CP: variants seen among roughly 807,000 people sequenced by gnomAD.
CP encodes the protein caeruloplasmin.
In CP, 64 loss-of-function variants were observed where a neutral mutation model predicts 122.4. The observed-to-expected ratio is 0.52, with a 90% CI of 0.43 to 0.64. The LOEUF is 0.64. Ranked by LOEUF, CP falls within the 30% of genes least tolerant of loss-of-function variation. The pLI, the probability that CP is intolerant of heterozygous loss-of-function variation, is 0.00. For synonymous variants in CP, 440 were observed against 436.4 expected (o/e 1.01, Z -0.10); for missense variants, 1,167 against 1,284.4 (o/e 0.91, Z 1.40).
Position 149,185,272 on chromosome 3 carries a change from C to T in CP, c.2252G>A (p.Trp751Ter). The change falls in exon 12 of 19, where the codon TGG becomes TAG. Residue 751 changes from tryptophan to a stop codon, truncating the protein, a stop_gained. Coordinates refer to ENST00000264613, the MANE Select transcript of CP (RefSeq NM_000096.4). LOFTEE classifies it high-confidence loss of function. ...VEWDYSPQRE[W>*]EKELHHLQEQ... Reference sequence around the variant, plus strand: ...TTGTAAATGATGCAGCTCCTTTTCCCACTCCCTTTGTGGGGAATAATCCCA... The same window carrying T: ...TTGTAAATGATGCAGCTCCTTTTCCTACTCCCTTTGTGGGGAATAATCCCA... 6.2e-7 allele frequency: 1 copy of T among 1,613,368 alleles called. No individual in the cohort carries two copies. The highest frequency in any genetic ancestry group is 8.5e-7 in the Non-Finnish European group (1 of 1,179,978).
chr3:149,167,755 T>C (rs574478039), downstream of CP: 8 of 690,116 alleles, frequency 1.2e-5, no homozygotes, highest in African/African-American at 5.4e-5. Flanking sequence ...ATATAACTTA[T>C]GTTATAACAA....
chr3:149,164,901 A>G (rs940237022), intron 5 of CP, among the ~76,000 whole-genome samples: 1 of 152,120 alleles, frequency 6.6e-6, no homozygotes, highest in Non-Finnish European at 1.5e-5. Flanking sequence ...TGAATTTGCA[A>G]TACCTCATTT....
chr3:149,217,988 A>G, intron 1 of CP: 2 of 281,098 alleles, frequency 7.1e-6, no homozygotes, highest in Non-Finnish European at 1.5e-5. Context: ...GGAAACCTCT[A>G]ATGGAATGAA....
At chr3:149,212,318 A>T (rs201585597) in intron 2 of CP, 133 bp downstream of exon 2, 8 of 969,038 alleles carry the variant, frequency 8.3e-6, no homozygotes, top group South Asian at 1.9e-5. Context: ...TTAAAAAAAA[A>T]TAAAAAAAAA....
downstream of CP, among the ~76,000 whole-genome samples, chr3:149,169,809 C>T (rs776304877): frequency 6.6e-6 from 1 of 152,138 alleles, no homozygotes; most frequent in African/African-American, 2.4e-5. Flanking sequence ...AATTCTGGTA[C>T]TGTGGTAAAT....
At chr3:149,216,589 C>T (rs981693569) in intron 1 of CP, among the ~76,000 whole-genome samples, 1 of 152,168 alleles carries the variant, frequency 6.6e-6, no homozygotes, top group Non-Finnish European at 1.5e-5. Flanking sequence ...TTTGGAAATG[C>T]TGCCTACCAT....
chr3:149,190,116 A>G (rs527511464), intron 9 of CP, among the ~76,000 whole-genome samples: 1 of 152,210 alleles, frequency 6.6e-6, no homozygotes, highest in Non-Finnish European at 1.5e-5. Context: ...AAGAAATTTA[A>G]CACAGGTAAA....
Position 149,176,346 on chromosome 3 carries a change from A to C in CP, c.3085T>G (p.Phe1029Val). ...FPGTYQTLEM[F>V]PRTPGIWLLH... ...AACCAAATTCCAGGTGTTCTTGGAA[A>C]CATTTCTAGGGTTTGGTATGTTCCA... The change falls in exon 18 of 19, where the codon TTT (phenylalanine) becomes GTT (valine). Residue 1029 changes from phenylalanine to valine, a missense_variant. Phe to Val is a conservative substitution (Grantham distance 50, BLOSUM62 -1). This residue lies in a region of CP where 525 missense variants were observed against 657.2 expected (regional missense o/e 0.80). Coordinates refer to ENST00000264613, the MANE Select transcript of CP (RefSeq NM_000096.4). The C allele has an allele frequency of 6.2e-7, 1 of 1,613,180 alleles. No homozygotes were observed. Among genetic ancestry groups the C allele is most frequent in the Admixed American group, 1.7e-5 (1 of 59,996 alleles).
At chr3:149,204,430 T>C (rs570851748) in intron 6 of CP, among the ~76,000 whole-genome samples, 3 of 152,202 alleles carry the variant, frequency 2.0e-5, no homozygotes, top group South Asian at 4.1e-4. Context: ...AAGGCAGTAC[T>C]TGATGAGGAG....
intron 1 of CP, among the ~76,000 whole-genome samples, chr3:149,214,382 C>A (rs35885078): frequency 0.093 from 14,094 of 151,998 alleles, 1,045 homozygotes; most frequent in East Asian, 0.38. Flanking sequence ...CTATGATGAG[C>A]GTTTCCTCCT....
intron 4 of CP, chr3:149,166,892 C>T (rs1206144061): frequency 1.4e-6 from 1 of 691,100 alleles, no homozygotes; most frequent in Non-Finnish European, 2.6e-6. Flanking sequence ...TAAATAAGGA[C>T]CACGTGCATG....
chr3:149,181,987 C>CGGGGGCGCGGGG lies in CP; in HGVS notation c.2554+17_2554+18insCCCCGCGCCCCC. 1 of 610,078 alleles carries CGGGGGCGCGGGG rather than the reference C, an allele frequency of 1.6e-6. No individual in the cohort carries two copies. Among genetic ancestry groups the CGGGGGCGCGGGG allele is most frequent in the Non-Finnish European group, 3.0e-6 (1 of 338,228 alleles). 37.8% of individuals were successfully genotyped at this position (610,078 alleles called of 1,614,324 possible). A position where few individuals can be genotyped will look rare whatever the true frequency, so the allele number is the denominator to read the frequency against. On this transcript the variant is annotated intron_variant, in intron 14 of 18. Coordinates refer to ENST00000264613, the MANE Select transcript of CP (RefSeq NM_000096.4). ...GCCTGTTAAAATGCACCACCCCCAC[C>CGGGGGCGCGGGG]CCCGCCCCCGTGAGTACCTGGTAAT...
chr3:149,178,481 A>G lies in CP; in HGVS notation c.2812T>C (p.Tyr938His). The change falls in exon 16 of 19, where the codon TAC (tyrosine) becomes CAC (histidine). Residue 938 changes from tyrosine (Y) to histidine (H), a missense_variant. By Grantham distance (83) the Tyr-to-His change is moderately conservative (BLOSUM62 2). Transcript: ENST00000264613. ...SWYLDDNIKT[Y>H]SDHPEKVNKD... ...TTTACTTTCTCGGGGTGATCAGAGT[A>G]TGTTTTGATGTTGTCATCTAAGTAC... The G allele has an allele frequency of 6.2e-7, 1 of 1,613,746 alleles. No homozygotes were observed. The highest frequency in any genetic ancestry group is 8.5e-7 in the Non-Finnish European group (1 of 1,179,674).
intron 13 of CP, among the ~76,000 whole-genome samples, chr3:149,182,556 G>A (rs977010840): frequency 6.6e-6 from 1 of 152,112 alleles, no homozygotes; most frequent in Non-Finnish European, 1.5e-5. Flanking sequence ...AATGCTGACA[G>A]TATGGGAACA....
intron 1 of CP, among the ~76,000 whole-genome samples, chr3:149,214,949 A>G (rs549651042): frequency 2.6e-5 from 4 of 152,234 alleles, no homozygotes; most frequent in Non-Finnish European, 5.9e-5. Context: ...CAAAGGTACA[A>G]TTCCACTCTG....
intron 12 of CP, among the ~76,000 whole-genome samples, chr3:149,184,114 C>G (rs2681099): frequency 7.6e-6 from 1 of 130,724 alleles, no homozygotes; most frequent in Non-Finnish European, 1.6e-5. Context: ...CCGCTCACTG[C>G]AAGCTCTGCC....
At chr3:149,167,973 A>T, downstream of CP, 1 of 1,556,772 alleles carries the variant, frequency 6.4e-7, no homozygotes, top group Non-Finnish European at 8.8e-7. Context: ...TCTACCTGTC[A>T]TCATTAAAAG....
chr3:149,195,439 C>T (rs1726838023), intron 9 of CP, among the ~76,000 whole-genome samples: 1 of 152,134 alleles, frequency 6.6e-6, no homozygotes, highest in African/African-American at 2.4e-5. Context: ...AAACACTTGT[C>T]AAATAAGGGA....
Position 149,167,219 on chromosome 3 carries a change from T to C in CP, c.587-1169A>G, listed in dbSNP as rs762184993. On this transcript the variant is annotated intron_variant, in intron 4 of 5. Transcript: ENST00000479771. ...AGGCAGTCATTCCATATGCTAATCA[T>C]GAACTGAAAGAAGAGAACCGGGTAT... 1 of 1,613,486 alleles carries C rather than the reference T, an allele frequency of 6.2e-7. No individual in the cohort carries two copies. The highest frequency in any genetic ancestry group is 8.5e-7 in the Non-Finnish European group (1 of 1,179,608).
Sources: allele counts gnomAD v4.1 joint callset (sites outside exome capture counted in the v4.1 genomes callset), GRCh38; gene constraint gnomAD v4.1.1; regional missense constraint gnomAD v4.1.1; transcripts MANE v1.5; gene names NCBI Gene and HGNC (gene_info 2026-07-23, HGNC 2026-07-21).